PLA2G4F: variants seen among roughly 807,000 people sequenced by gnomAD.
The protein encoded by PLA2G4F is cytosolic phospholipase A2 zeta.
In PLA2G4F, 105 loss-of-function variants were observed where a neutral mutation model predicts 103.1. That is an observed-to-expected ratio of 1.02 (90% CI 0.87 to 1.20). The LOEUF (loss-of-function observed/expected upper bound fraction) is 1.20. Among genes scored for constraint, PLA2G4F ranks in the 50% most tolerant of loss-of-function variants. The pLI is 0.00. For missense variants in PLA2G4F, 1,155 were observed against 1,075.9 expected (o/e 1.07, Z -1.03); for synonymous variants, 468 against 441.1 (o/e 1.06, Z -0.76).
chr15:42,151,328 G>C (rs16972770), intron 7 of PLA2G4F: 77,973 of 985,058 alleles, frequency 0.079, 6,493 homozygotes, highest in African/African-American at 0.39. Context: ...GAGAAGCGGC[G>C]GAGGGCTAGC....
rs138573512 is a variant in PLA2G4F at position 42,147,171 on chromosome 15, G to A, written c.1372C>T (p.Leu458Phe). Residue 458 changes from leucine to phenylalanine, a missense_variant, in exon 13 of 20, where the codon CTC (leucine) becomes TTC (phenylalanine). Leu to Phe is a conservative substitution (Grantham distance 22). Coordinates refer to ENST00000397272, the MANE Select transcript of PLA2G4F (RefSeq NM_213600.4). ...VRERSGHSVS[L>F]IDLWGLLVEY... Reference sequence around the variant, plus strand: ...ACAAGGAGGCCCCAGAGGTCGATGAGGGACACGCTGTGGCCACTGCGCTCC... The same window carrying A: ...ACAAGGAGGCCCCAGAGGTCGATGAAGGACACGCTGTGGCCACTGCGCTCC... The A allele has an allele frequency of 1.5e-3, 2,462 of 1,612,954 alleles. 13 individuals carry two copies. Among genetic ancestry groups the A allele is most frequent in the South Asian group, 4.1e-3 (372 of 91,068 alleles).
chr15:42,153,707 C>T, intron 4 of PLA2G4F, 47 bp from the exon 5 acceptor site: 1 of 1,606,310 alleles, frequency 6.2e-7, no homozygotes, highest in Non-Finnish European at 8.5e-7. Flanking sequence ...GCTCCAAAAG[C>T]CTCCAGAGCT....
chr15:42,146,075 C>G, intron 14 of PLA2G4F, 52 bp downstream of exon 14: 1 of 1,601,008 alleles, frequency 6.2e-7, no homozygotes, highest in Non-Finnish European at 8.6e-7. Context: ...GGCCTCTCAC[C>G]TCCTCCTCCC....
rs1411278981 is a variant in PLA2G4F at position 42,142,143 on chromosome 15, G to A, written c.2391C>T (p.Asp797=). The part of the protein sequence containing the change: ...AFGDFVINRP[D]TPYGMMNFTY... ...TGAAGTTCATCATGCCATAGGGGGT[G>A]TCTGGCCTGTTGATGACAAAGTCCC... The change falls in exon 20 of 20, where the codon GAC becomes GAT. Residue 797 remains aspartate, a synonymous_variant. Coordinates refer to ENST00000397272, the MANE Select transcript of PLA2G4F (RefSeq NM_213600.4). The A allele has an allele frequency of 3.7e-6, 6 of 1,614,086 alleles. No homozygotes were observed. The highest frequency in any genetic ancestry group is 4.2e-6 in the Non-Finnish European group (5 of 1,180,042).
intron 18 of PLA2G4F, among the ~76,000 whole-genome samples, 194 bp from the exon 19 acceptor site, chr15:42,142,908 T>C (rs544331401): frequency 8.5e-5 from 13 of 152,096 alleles, no homozygotes; most frequent in East Asian, 1.9e-4. Context: ...CGGCCGGGCA[T>C]GGTGGCTCAT....
rs773768407 is a variant in PLA2G4F, at chr15:42,155,508, G to T, written c.184+9C>A. On this transcript the variant is annotated intron_variant, in intron 2 of 19. Coordinates refer to ENST00000397272, the MANE Select transcript of PLA2G4F (RefSeq NM_213600.4). ...GGACAGAGAGAAGGATGGAGATGGG[G>T]TCACTCACGCAGGTCTGTGCCCCGG... is the stretch of plus-strand genomic sequence containing the variant. The T allele has an allele frequency of 1.9e-6, 3 of 1,613,764 alleles. No homozygotes were observed. Among genetic ancestry groups the T allele is most frequent in the East Asian group, 4.5e-5 (2 of 44,890 alleles).
Position 42,142,661 on chromosome 15 carries a change from G to T in PLA2G4F, c.2196C>A (p.Ser732Arg). The change falls in exon 19 of 20, where the codon AGC becomes AGA. Residue 732 changes from serine (S) to arginine (R), a missense_variant. Coordinates refer to ENST00000397272, the MANE Select transcript of PLA2G4F (RefSeq NM_213600.4). ...CCATGTCCTCAGGGCCCACCTCGAT[G>T]CTAGGGAAGGGGATTCCTCGGTCCA... ...YCLDRGIPFPSIEVGPEDMEE... is the reference protein window; with the variant it reads ...YCLDRGIPFPRIEVGPEDMEE... 4 of 1,614,156 alleles carry T rather than the reference G, an allele frequency of 2.5e-6. No individual in the cohort carries two copies. The highest frequency in any genetic ancestry group is 3.4e-6 in the Non-Finnish European group (4 of 1,180,030).
Position 42,152,152 on chromosome 15 carries a change from CT to C in PLA2G4F, c.601+535del, listed in dbSNP as rs370458948. On this transcript the variant is annotated intron_variant, in intron 7 of 19. Coordinates refer to ENST00000397272, the MANE Select transcript of PLA2G4F (RefSeq NM_213600.4). ...CCTGTATTCTCATTCTGCCATGTGA[CT>C]TCAGCTCCTCCCGCTAAAGAGGCCA... Among the ~76,000 whole-genome samples, 532 of 152,364 alleles carry C rather than the reference CT, an allele frequency of 3.5e-3. 3 individuals are homozygous for C. The highest frequency in any genetic ancestry group is 0.012 in the African/African-American group (504 of 41,580).
Position 42,143,997 on chromosome 15 carries a change from G to T in PLA2G4F, c.2123C>A (p.Ser708Tyr), listed in dbSNP as rs367600952. The change falls in exon 18 of 20, where the codon TCC (serine) becomes TAC (tyrosine). Residue 708 changes from serine to tyrosine, a missense_variant. Ser to Tyr is a moderately radical substitution (Grantham distance 144). Transcript: ENST00000397272. Reference protein sequence around the residue: ...AVDLILSFDYSLEAPFEVLKM... With the variant: ...AVDLILSFDYYLEAPFEVLKM... ...GCTCACCTCAAAAGGGGCTTCCAAG[G>T]AATAGTCAAAGGACAGAATGAGGTC... is the stretch of plus-strand genomic sequence containing the variant. 5.6e-6 allele frequency: 9 copies of T among 1,609,800 alleles called. No individual in the cohort carries two copies. Among genetic ancestry groups the T allele is most frequent in the Non-Finnish European group, 7.6e-6 (9 of 1,177,688 alleles).
At chr15:42,149,036 T>C (rs1047909887) in intron 11 of PLA2G4F, 2 of 985,322 alleles carry the variant, frequency 2.0e-6, no homozygotes, top group Non-Finnish European at 2.4e-6. Context: ...TGATCCCCTG[T>C]AAGTCCCTCT....
At chr15:42,150,340 A>C (rs1033690491) in intron 9 of PLA2G4F, 33 bp downstream of exon 9, 2 of 1,572,234 alleles carry the variant, frequency 1.3e-6, no homozygotes, top group Non-Finnish European at 1.7e-6. Flanking sequence ...GAGAGCAGGC[A>C]GGGGTCCCTC....
rs560640465 is a variant in PLA2G4F at position 42,147,573 on chromosome 15, C to G, written c.1196+53G>C. The G allele has an allele frequency of 2.1e-5, 34 of 1,593,340 alleles. No homozygotes were observed. The African/African-American group carries it at 4.2e-4, about 19-fold the overall frequency. On this transcript the variant is annotated intron_variant, in intron 12 of 19. Coordinates refer to ENST00000397272, the MANE Select transcript of PLA2G4F (RefSeq NM_213600.4). ...CTCCTTAAGATCACCAGGTCACAAC[C>G]CCACACTTTGTGGGGTCTCCTTTAC...
rs557602045 is a variant in PLA2G4F at position 42,149,941 on chromosome 15, C to T, written c.924-93G>A. 42 of 1,539,582 alleles carry T rather than the reference C, an allele frequency of 2.7e-5. No homozygotes were observed. In the East Asian group the frequency reaches 9.4e-4, roughly 35 times the overall value. ...GCCCAGCCCAGGTCTTTCACAGGAG[C>T]AGGTCCAAGGGATCCGCCCACCAGC... On this transcript the variant is annotated intron_variant, in intron 10 of 19. Coordinates refer to ENST00000397272, the MANE Select transcript of PLA2G4F (RefSeq NM_213600.4).
intron 2 of PLA2G4F, 146 bp from the exon 3 acceptor site, chr15:42,154,604 A>C: frequency 1.2e-6 from 1 of 859,398 alleles, no homozygotes; most frequent in East Asian, 2.8e-5. Flanking sequence ...GTGGAGGGAG[A>C]GCCTTGATGT....
intron 18 of PLA2G4F, among the ~76,000 whole-genome samples, chr15:42,143,176 TAAAAAAAAA>T (rs56171986): frequency 0.015 from 1,301 of 89,692 alleles, 43 homozygotes; most frequent in African/African-American, 0.055. Flanking sequence ...AGACTCCATC[TAAAAAAAAA>T]AAAAAAAAAA....
intron 11 of PLA2G4F, chr15:42,149,502 T>C: frequency 1.0e-6 from 1 of 985,336 alleles, no homozygotes; most frequent in Non-Finnish European, 1.2e-6. Flanking sequence ...TCTGTGGGGT[T>C]TTGTTACGGC....
chr15:42,150,991 C>G (rs1462482557), intron 7 of PLA2G4F: 2 of 985,040 alleles, frequency 2.0e-6, no homozygotes, highest in African/African-American at 1.8e-5. Flanking sequence ...AACTGGGACT[C>G]GGGAAGGGTG....
Position 42,142,688 on chromosome 15 carries a change from G to T in PLA2G4F, c.2169C>A (p.Cys723Ter). 6.2e-7 allele frequency: 1 copy of T among 1,614,074 alleles called. No homozygotes were observed. Among genetic ancestry groups the T allele is most frequent in the Non-Finnish European group, 8.5e-7 (1 of 1,180,028 alleles). Residue 723 changes from cysteine to a stop codon, truncating the protein, a stop_gained, in exon 19 of 20, where the codon TGC becomes TGA. Transcript: ENST00000397272. LOFTEE classifies it high-confidence loss of function. ...TAGGGAAGGGGATTCCTCGGTCCAG[G>T]CAGTACTTCTCTGTCATCTTCAAGA... The part of the protein sequence containing the change: ...FEVLKMTEKY[C>*]LDRGIPFPSI...
chr15:42,149,278 G>C, intron 11 of PLA2G4F: 1 of 690,338 alleles, frequency 1.4e-6, no homozygotes, highest in Non-Finnish European at 1.8e-6. Flanking sequence ...CAACTGATAG[G>C]ACTGGGGTCC....
Sources: allele counts gnomAD v4.1 joint callset (sites outside exome capture counted in the v4.1 genomes callset), GRCh38; gene constraint gnomAD v4.1.1; transcripts MANE v1.5; gene names NCBI Gene and HGNC (gene_info 2026-07-23, HGNC 2026-07-21).